Variants in POLR1E observed in about 807,000 individuals in gnomAD.
POLR1E encodes the protein RNA polymerase I subunit E.
A neutral mutation model predicts 50.9 loss-of-function variants in POLR1E; 37 were observed. The ratio of observed to expected loss-of-function variants is 0.73; its 90% confidence interval spans 0.56 to 0.96. The LOEUF is 0.96. POLR1E is among the 40% of genes least tolerant of loss of function. POLR1E has a pLI of 0.00. For synonymous variants in POLR1E, 166 were observed against 191.6 expected (o/e 0.87, Z 1.10); for missense variants, 426 against 518.1 (o/e 0.82, Z 1.73).
rs1820562278 is a variant in POLR1E, at chr9:37,485,972, G to C, written c.-76G>C. ...CCTTTTCCGGCCCGCAGCGCGGCCT[G>C]GGCTCCCGCGTGTTTAAAAGTGCGC... On this transcript the variant is annotated 5_prime_UTR_variant, in exon 1 of 12. Coordinates refer to ENST00000377798, the MANE Select transcript of POLR1E (RefSeq NM_022490.4). 1 of 1,535,220 alleles carries C rather than the reference G, an allele frequency of 6.5e-7. No individual in the cohort carries two copies. The highest frequency in any genetic ancestry group is 1.2e-5 in the South Asian group (1 of 83,886).
intron 9 of POLR1E, 117 bp downstream of exon 9, chr9:37,498,341 C>A: frequency 9.0e-7 from 1 of 1,109,524 alleles, no homozygotes; most frequent in Non-Finnish European, 1.3e-6. Flanking sequence ...TCTTTACTGT[C>A]AACTGTGAGA....
chr9:37,492,435 T>C, intron 4 of POLR1E: 1 of 909,318 alleles, frequency 1.1e-6, no homozygotes, highest in South Asian at 1.5e-5. Flanking sequence ...GAGGTTGGGC[T>C]GGATGACCGC....
chr9:37,488,616 C>T (rs1301809209), intron 3 of POLR1E, among the ~76,000 whole-genome samples: 2 of 152,112 alleles, frequency 1.3e-5, no homozygotes, highest in Non-Finnish European at 2.9e-5. Context: ...TGCCCTAGTT[C>T]CAATTGGTCT....
Position 37,485,981 on chromosome 9 carries a change from C to A in POLR1E, c.-67C>A. 1.3e-6 allele frequency: 2 copies of A among 1,552,860 alleles called. No individual in the cohort carries two copies. Among genetic ancestry groups the A allele is most frequent in the East Asian group, 2.4e-5 (1 of 42,342 alleles). On this transcript the variant is annotated 5_prime_UTR_variant, in exon 1 of 12. Coordinates refer to ENST00000377798, the MANE Select transcript of POLR1E (RefSeq NM_022490.4). ...GCCCGCAGCGCGGCCTGGGCTCCCG[C>A]GTGTTTAAAAGTGCGCTTGTGGCTG...
intron 7 of POLR1E, 151 bp downstream of exon 7, chr9:37,495,427 A>T: frequency 4.4e-6 from 3 of 688,258 alleles, no homozygotes; most frequent in Admixed American, 2.4e-5. Context: ...TCTTGCCAGG[A>T]GGTTAACTTG....
chr9:37,498,865 CAT>C (rs1462853824), intron 9 of POLR1E, among the ~76,000 whole-genome samples: 1 of 152,156 alleles, frequency 6.6e-6, no homozygotes, highest in African/African-American at 2.4e-5. Context: ...TCAGTATAGT[CAT>C]GTGTCGCTTA....
intron 5 of POLR1E, among the ~76,000 whole-genome samples, chr9:37,493,282 G>A (rs879514868): frequency 2.0e-5 from 3 of 152,222 alleles, no homozygotes; most frequent in Admixed American, 1.3e-4. Context: ...TACGGGCATA[G>A]GATGGGAGAA....
At chr9:37,496,011 A>G (rs1172656973) in intron 8 of POLR1E, 25 bp downstream of exon 8, 1 of 1,578,502 alleles carries the variant, frequency 6.3e-7, no homozygotes, top group Admixed American at 1.7e-5. Context: ...GCAGATGGGG[A>G]TTCTGGGGAG....
chr9:37,503,368 G>A lies in POLR1E; in HGVS notation c.*166G>A, dbSNP rs1410104302. 2.5e-6 allele frequency: 2 copies of A among 808,804 alleles called. No individual in the cohort carries two copies. The highest frequency in any genetic ancestry group is 3.6e-6 in the Non-Finnish European group (2 of 554,088). The allele number at this position is 808,804 out of a possible 1,614,324, so 50.1% of individuals were successfully genotyped here. A position where few individuals can be genotyped will look rare whatever the true frequency, so the allele number is the denominator to read the frequency against. ...CGAGGCAGGAAGATCATTGAGCTCA[G>A]GAGTTTGAAACCAGTCTGGACAACA... On this transcript the variant is annotated 3_prime_UTR_variant, in exon 12 of 12. Coordinates refer to ENST00000377798, the MANE Select transcript of POLR1E (RefSeq NM_022490.4).
chr9:37,492,225 A>C, intron 4 of POLR1E: 1 of 1,282,652 alleles, frequency 7.8e-7, no homozygotes, highest in Non-Finnish European at 1.0e-6. Flanking sequence ...AGTACTTTGT[A>C]GATGATTGGA....
intron 8 of POLR1E, among the ~76,000 whole-genome samples, chr9:37,496,623 C>CTTT (rs376455174): frequency 3.6e-5 from 4 of 112,492 alleles, no homozygotes; most frequent in Non-Finnish European, 5.6e-5. Context: ...ATTATTATTT[C>CTTT]TTTTTTTTTT....
At chr9:37,487,594 C>T (rs1230686504) in intron 2 of POLR1E, among the ~76,000 whole-genome samples, 1 of 152,156 alleles carries the variant, frequency 6.6e-6, no homozygotes, top group African/African-American at 2.4e-5. Flanking sequence ...TCTCTCAAGT[C>T]TTGTGGCAGA....
intron 2 of POLR1E, 30 bp from the exon 3 acceptor site, chr9:37,487,833 T>C: frequency 6.2e-7 from 1 of 1,600,358 alleles, no homozygotes; most frequent in Non-Finnish European, 8.6e-7. Context: ...ACATTGGTTG[T>C]AAATGGAGTT....
intron 4 of POLR1E, chr9:37,490,496 T>C: frequency 1.2e-6 from 1 of 866,630 alleles, no homozygotes; most frequent in Non-Finnish European, 2.0e-6. Context: ...AGTGTGCTTC[T>C]CTGGGTGGAG....
chr9:37,486,397 T>G, intron 1 of POLR1E: 1 of 1,509,994 alleles, frequency 6.6e-7, no homozygotes, highest in Non-Finnish European at 8.9e-7. Context: ...CCTCCCCCAT[T>G]TCCCTCTCTT....
rs10814567 is a variant in POLR1E at position 37,493,551 on chromosome 9, A to T, written c.403-8A>T. On this transcript the variant is annotated splice_polypyrimidine_tract_variant and splice_region_variant and intron_variant, in intron 5 of 11. Coordinates refer to ENST00000377798, the MANE Select transcript of POLR1E (RefSeq NM_022490.4). ...TGTCCCCAGTAACCAGGTTTATCTC[A>T]TAAACAGATGGATTCTTGTATTGAA... is the stretch of plus-strand genomic sequence containing the variant. 1 of 1,577,700 alleles carries T rather than the reference A, an allele frequency of 6.3e-7. No homozygotes were observed. Among genetic ancestry groups the T allele is most frequent in the Non-Finnish European group, 8.7e-7 (1 of 1,155,600 alleles).
Position 37,487,792 on chromosome 9 carries a change from A to G in POLR1E, c.181-71A>G, listed in dbSNP as rs778024249. The G allele has an allele frequency of 1.2e-5, 17 of 1,429,916 alleles. No individual in the cohort carries two copies. In the South Asian group the frequency reaches 1.7e-4, roughly 15 times the overall value. The allele number at this position is 1,429,916 out of a possible 1,614,324, so 88.6% of individuals were successfully genotyped here. On this transcript the variant is annotated intron_variant, in intron 2 of 11. Coordinates refer to ENST00000377798, the MANE Select transcript of POLR1E (RefSeq NM_022490.4). The stretch of plus-strand genomic sequence containing the variant: ...TGGATTCAAAAGCCTCAGCAAATGT[A>G]GAAAAGAGAAATGATGCTTAATACC...
chr9:37,486,608 A>G, intron 1 of POLR1E, 95 bp from the exon 2 acceptor site: 2 of 1,613,336 alleles, frequency 1.2e-6, no homozygotes, highest in Non-Finnish European at 1.7e-6. Context: ...CCATTCTGAC[A>G]CTCCCTCCCA....
chr9:37,500,816 A>G, intron 9 of POLR1E, 24 bp from the exon 10 acceptor site: 2 of 1,586,980 alleles, frequency 1.3e-6, no homozygotes, highest in South Asian at 1.1e-5. Context: ...AGAGAAAATG[A>G]TCAAACTCAA....
Sources: allele counts gnomAD v4.1 joint callset (sites outside exome capture counted in the v4.1 genomes callset), GRCh38; gene constraint gnomAD v4.1.1; transcripts MANE v1.5; gene names NCBI Gene and HGNC (gene_info 2026-07-23, HGNC 2026-07-21).